Variants in SYNE1 observed in about 807,000 individuals in gnomAD.
SYNE1 encodes spectrin repeat containing nuclear envelope protein 1.
A neutral mutation model predicts 1,111.0 loss-of-function variants in SYNE1; 616 were observed. That is an observed-to-expected ratio of 0.55 (90% CI 0.52 to 0.59). The LOEUF (loss-of-function observed/expected upper bound fraction) is 0.59. Among genes scored for constraint, SYNE1 ranks in the 20% least tolerant of loss-of-function variants. The pLI, the probability that SYNE1 is intolerant of heterozygous loss-of-function variation, is 0.00. For missense variants in SYNE1, 10,006 were observed against 10,417.0 expected (o/e 0.96, Z 1.72); for synonymous variants, 3,855 against 3,825.8 (o/e 1.01, Z -0.28).
At chr6:152,314,618 T>C (rs563617925) in intron 87 of SYNE1, among the ~76,000 whole-genome samples, 57 of 152,072 alleles carry the variant, frequency 3.7e-4, no homozygotes, top group Non-Finnish European at 7.1e-4. Flanking sequence ...GAATATCCTT[T>C]GTACCCTAAA....
rs763245613 is a variant in SYNE1, at chr6:152,331,300, A to G, written c.13385T>C (p.Val4462Ala). The change falls in exon 78 of 146, where the codon GTG becomes GCG. Residue 4462 changes from valine (V) to alanine (A), a missense_variant. Around this residue, in one of 7 missense-constraint regions of SYNE1, gnomAD observed 4,955 missense variants for 5,017.2 expected, o/e 0.99. Transcript: ENST00000367255. ...CTGAATTTGGCTGGTGGCCTGGAACACTGCCATGAGAAACTGGGTTTTCTC... is the reference window on the plus strand; with the variant it reads ...CTGAATTTGGCTGGTGGCCTGGAACGCTGCCATGAGAAACTGGGTTTTCTC... ...LSEKTQFLMA[V>A]FQATSQIQQH... The G allele has an allele frequency of 6.2e-7, 1 of 1,614,022 alleles. No homozygotes were observed. Among genetic ancestry groups the G allele is most frequent in the African/African-American group, 1.3e-5 (1 of 74,914 alleles).
At chr6:152,404,165 G>T in intron 46 of SYNE1, 48 bp downstream of exon 46, 1 of 1,303,110 alleles carries the variant, frequency 7.7e-7, no homozygotes, top group Non-Finnish European at 1.1e-6. Context: ...GTATATGGTA[G>T]TAATTACAAA....
intron 137 of SYNE1, 71 bp downstream of exon 137, chr6:152,147,974 A>T: frequency 7.7e-7 from 1 of 1,300,958 alleles, no homozygotes; most frequent in Admixed American, 1.7e-5. Flanking sequence ...GATAGCTGTC[A>T]TGTTTCCAGG....
At chr6:152,390,528 A>T in intron 52 of SYNE1, 76 bp from the exon 53 acceptor site, 1 of 1,465,070 alleles carries the variant, frequency 6.8e-7, no homozygotes, top group Admixed American at 1.8e-5. Flanking sequence ...GTAGTTTTCC[A>T]TAAGAATTGA....
chr6:152,138,783 G>T (rs1433045528), intron 140 of SYNE1, among the ~76,000 whole-genome samples: 1 of 152,098 alleles, frequency 6.6e-6, no homozygotes, highest in African/African-American at 2.4e-5. Flanking sequence ...TGAGCTCTCA[G>T]TTCATGAGAT....
intron 121 of SYNE1, among the ~76,000 whole-genome samples, chr6:152,217,094 C>A (rs926355126): frequency 1.6e-5 from 2 of 124,260 alleles, no homozygotes; most frequent in Non-Finnish European, 1.6e-5. Flanking sequence ...CTAAGTAAAA[C>A]CTTTTTTTTT....
chr6:152,385,553 C>A, intron 55 of SYNE1, 121 bp downstream of exon 55: 1 of 1,070,504 alleles, frequency 9.3e-7, no homozygotes, highest in Non-Finnish European at 1.4e-6. Flanking sequence ...ATCAGTGAGG[C>A]ATCAAATAGA....
intron 127 of SYNE1, among the ~76,000 whole-genome samples, chr6:152,198,535 C>A (rs2074671089): frequency 6.6e-6 from 1 of 152,152 alleles, no homozygotes; most frequent in African/African-American, 2.4e-5. Flanking sequence ...TGGCCTGTTC[C>A]AGCTTTTGAC....
chr6:152,636,163 G>A (rs1478754600), intron 2 of SYNE1, among the ~76,000 whole-genome samples: 1 of 152,142 alleles, frequency 6.6e-6, no homozygotes, highest in Non-Finnish European at 1.5e-5. Context: ...GGAGTCTGAC[G>A]CGCCAGGGCC....
chr6:152,140,490 C>A (rs1372998363), intron 139 of SYNE1, among the ~76,000 whole-genome samples: 3 of 152,086 alleles, frequency 2.0e-5, no homozygotes, highest in Admixed American at 2.0e-4. Context: ...TCTGAGCACA[C>A]ACATATAAAA....
chr6:152,623,979 A>G (rs1397061626), intron 3 of SYNE1, among the ~76,000 whole-genome samples: 1 of 152,124 alleles, frequency 6.6e-6, no homozygotes, highest in African/African-American at 2.4e-5. Flanking sequence ...TTATACTTAA[A>G]ACAAAAAAGG....
At chr6:152,383,004 C>T (rs1024976687) in intron 55 of SYNE1, among the ~76,000 whole-genome samples, 6 of 152,136 alleles carry the variant, frequency 3.9e-5, no homozygotes, top group African/African-American at 1.4e-4. Context: ...TTAGAGTTGC[C>T]TTTTCTCAGT....
intron 87 of SYNE1, among the ~76,000 whole-genome samples, chr6:152,312,789 T>C (rs2095593595): frequency 6.6e-6 from 1 of 151,982 alleles, no homozygotes; most frequent in African/African-American, 2.4e-5. Flanking sequence ...TTTGGGCACA[T>C]TTTTAGGTAT....
At chr6:152,447,403 C>T in intron 29 of SYNE1, 55 bp downstream of exon 29, 8 of 1,592,062 alleles carry the variant, frequency 5.0e-6, no homozygotes, top group African/African-American at 1.3e-5. Context: ...AGAAAAAGAA[C>T]CTTCCAGATG....
chr6:152,359,518 G>A (rs1591024075), intron 64 of SYNE1, 60 bp from the exon 65 acceptor site: 1 of 1,600,668 alleles, frequency 6.2e-7, no homozygotes, highest in Non-Finnish European at 8.5e-7. Flanking sequence ...CAACGACACT[G>A]CTAAAATCAA....
chr6:152,496,953 C>A (rs1176008317), intron 11 of SYNE1, among the ~76,000 whole-genome samples: 1 of 152,104 alleles, frequency 6.6e-6, no homozygotes, highest in Non-Finnish European at 1.5e-5. Context: ...AAGCTCCCCA[C>A]CGAGCACCTT....
Position 152,502,681 on chromosome 6 carries a change from T to C in SYNE1, c.840A>G (p.Lys280=), listed in dbSNP as rs1295427324. 3 of 1,613,918 alleles carry C rather than the reference T, an allele frequency of 1.9e-6. No homozygotes were observed. Among genetic ancestry groups the C allele is most frequent in the African/African-American group, 1.3e-5 (1 of 74,944 alleles). The change falls in exon 10 of 146, where the codon AAA becomes AAG. Residue 280 remains lysine (K), a synonymous_variant. Coordinates refer to ENST00000367255, the MANE Select transcript of SYNE1 (RefSeq NM_182961.4). ...TTGCATTGTGGATGTCAGGATAATG[T>C]TTCAGAAACTGGGCTACATAGGTCA... is the stretch of plus-strand genomic sequence containing the variant. The part of the protein sequence containing the change: ...SIMTYVAQFL[K]HYPDIHNAST...
At chr6:152,493,333 C>T (rs2154308202) in intron 11 of SYNE1, among the ~76,000 whole-genome samples, 1 of 152,168 alleles carries the variant, frequency 6.6e-6, no homozygotes, top group South Asian at 2.1e-4. Flanking sequence ...CCCTCCACAA[C>T]CCCTTATTCT....
At chr6:152,566,117 G>T (rs901071957) in intron 3 of SYNE1, among the ~76,000 whole-genome samples, 1 of 152,080 alleles carries the variant, frequency 6.6e-6, no homozygotes, top group Non-Finnish European at 1.5e-5. Context: ...AAAAACAGGG[G>T]AAGAAGAACC....
Sources: allele counts gnomAD v4.1 joint callset (sites outside exome capture counted in the v4.1 genomes callset), GRCh38; gene constraint gnomAD v4.1.1; regional missense constraint gnomAD v4.1.1; transcripts MANE v1.5; gene names NCBI Gene and HGNC (gene_info 2026-07-23, HGNC 2026-07-21).